DIAPH1: variants seen among roughly 807,000 people sequenced by gnomAD.
DIAPH1 encodes protein diaphanous homolog 1.
DIAPH1 carries 46 observed loss-of-function variants against 140.7 expected under a neutral mutation model. The observed-to-expected ratio is 0.33, with a 90% confidence interval of 0.26 to 0.42. The LOEUF (loss-of-function observed/expected upper bound fraction) is 0.42. DIAPH1 is among the 10% of genes least tolerant of loss of function. The probability of loss-of-function intolerance (pLI) is 1.00; values close to 1 mark genes in which losing one functional copy is unlikely to be tolerated. For missense variants in DIAPH1, 1,310 were observed against 1,558.7 expected, an observed-to-expected ratio of 0.84 and a Z score of 2.69; for synonymous variants, 565 against 551.6, an observed-to-expected ratio of 1.02 and a Z score of -0.34.
chr5:141,519,074 G>A (rs1185649277), intron 27 of DIAPH1: 9 of 1,313,246 alleles, frequency 6.9e-6, no homozygotes, highest in Non-Finnish European at 9.7e-6. Context: ...ATAGGTATGT[G>A]CCCGAGACTG....
intron 18 of DIAPH1, among the ~76,000 whole-genome samples, chr5:141,547,473 A>G (rs1019508352): frequency 1.3e-5 from 2 of 152,122 alleles, no homozygotes; most frequent in African/African-American, 4.8e-5. Flanking sequence ...AAATAAATAA[A>G]TAAAAATAAA....
At chr5:141,556,653 T>A (rs1265919095) in intron 18 of DIAPH1, among the ~76,000 whole-genome samples, 3 of 152,222 alleles carry the variant, frequency 2.0e-5, no homozygotes, top group Non-Finnish European at 2.9e-5. Flanking sequence ...TGGCTTTGTA[T>A]CTTCTCAGTC....
chr5:141,568,097 C>G (rs1383168366), intron 18 of DIAPH1, among the ~76,000 whole-genome samples: 1 of 152,034 alleles, frequency 6.6e-6, no homozygotes, highest in East Asian at 1.9e-4. Flanking sequence ...AGTCACTGTA[C>G]TATTTATTTA....
In DIAPH1 at chr5:141,515,132, CCT is replaced by C. The variant is rs142402193; in HGVS notation, c.*1717_*1718del. The stretch of plus-strand genomic sequence containing the variant: ...ATAGGTTTGCATTTTGTCCCTCACA[CCT>C]CTCTCTCTCTCTCTTTTTTTTTATT... On this transcript the variant is annotated 3_prime_UTR_variant, in exon 28 of 28. Transcript: ENST00000389054. 130 of 152,196 alleles carry C rather than the reference CCT, an allele frequency of 8.5e-4. No individual in the cohort carries two copies. Among genetic ancestry groups the C allele is most frequent in the East Asian group, 5.8e-4 (3 of 5,166 alleles). 9.4% of individuals were successfully genotyped at this position (152,196 alleles called of 1,614,324 possible).
chr5:141,547,598 T>G (rs560790237), intron 18 of DIAPH1, among the ~76,000 whole-genome samples: 1 of 152,152 alleles, frequency 6.6e-6, no homozygotes, highest in South Asian at 2.1e-4. Context: ...TGGAAGACAG[T>G]AACAAAGATC....
chr5:141,531,299 T>TTCTC (rs543349611), intron 19 of DIAPH1, among the ~76,000 whole-genome samples: 1 of 151,166 alleles, frequency 6.6e-6, no homozygotes, highest in Non-Finnish European at 1.5e-5. Context: ...TAATTTTACC[T>TTCTC]TCTCTCTCTC....
intron 18 of DIAPH1, among the ~76,000 whole-genome samples, chr5:141,536,510 G>T (rs548339754): frequency 4.4e-4 from 67 of 152,070 alleles, no homozygotes; most frequent in Non-Finnish European, 8.1e-4. Flanking sequence ...AAATAAACTA[G>T]ACCATTTAAT....
At chr5:141,603,512 A>G (rs1240554783) in intron 1 of DIAPH1, among the ~76,000 whole-genome samples, 1 of 152,212 alleles carries the variant, frequency 6.6e-6, no homozygotes. Flanking sequence ...TCTTTTTCCT[A>G]ACCCCACCCG....
intron 8 of DIAPH1, 32 bp from the exon 9 acceptor site, chr5:141,579,228 T>G (rs376430702): frequency 2.6e-6 from 4 of 1,549,270 alleles, no homozygotes; most frequent in Non-Finnish European, 3.6e-6. Flanking sequence ...GAGAGAACTT[T>G]CCAGGTACTG....
At chr5:141,556,742 A>G (rs1448887615) in intron 18 of DIAPH1, among the ~76,000 whole-genome samples, 1 of 152,106 alleles carries the variant, frequency 6.6e-6, no homozygotes, top group East Asian at 1.9e-4. Flanking sequence ...CCCAGGCTTG[A>G]GTGCAGTGGT....
rs199683670 is a variant in DIAPH1, at chr5:141,582,366, A to G, written c.630T>C (p.Asp210=). Residue 210 remains aspartate (D), a synonymous_variant, in exon 7 of 28, where the codon GAT becomes GAC. Coordinates refer to ENST00000389054, the MANE Select transcript of DIAPH1 (RefSeq NM_005219.5). ...GAATGATCTCATGCTTGTTCCGGCT[A>G]TCGTAACTCCTGTATATAGAAGACA... The part of the protein sequence containing the change: ...DEKEETAGSY[D]SRNKHEIIRC... 6.2e-6 allele frequency: 10 copies of G among 1,612,640 alleles called. No homozygotes were observed. The East Asian group carries it at 1.8e-4, about 29-fold the overall frequency.
chr5:141,583,436 G>GT (rs749816568), intron 5 of DIAPH1, 49 bp downstream of exon 5: 1 of 1,614,036 alleles, frequency 6.2e-7, no homozygotes, highest in Admixed American at 1.7e-5. Context: ...CACCACCAGT[G>GT]AAGTCCAACA....
intron 18 of DIAPH1, among the ~76,000 whole-genome samples, chr5:141,544,467 T>G (rs1015663185): frequency 6.6e-6 from 1 of 152,098 alleles, no homozygotes; most frequent in African/African-American, 2.4e-5. Context: ...TGCAAAACAC[T>G]TATCCGATAA....
chr5:141,591,640 A>C (rs1283064209), intron 1 of DIAPH1, among the ~76,000 whole-genome samples: 1 of 142,978 alleles, frequency 7.0e-6, no homozygotes, highest in Non-Finnish European at 1.5e-5. Context: ...CCTTTTTCCT[A>C]TTCAATATCC....
At chr5:141,557,744 A>G (rs2099892855) in intron 18 of DIAPH1, 1 of 152,196 alleles carries the variant, frequency 6.6e-6, no homozygotes, top group African/African-American at 2.4e-5. Flanking sequence ...CCGGCAGCCA[A>G]ACCATTTTGC....
intron 2 of DIAPH1, 22 bp from the exon 3 acceptor site, chr5:141,587,219 T>C: frequency 6.2e-7 from 1 of 1,612,818 alleles, no homozygotes; most frequent in East Asian, 2.2e-5. Flanking sequence ...AAAAAAGCAT[T>C]AGCAGTGATC....
intron 8 of DIAPH1, among the ~76,000 whole-genome samples, chr5:141,580,253 G>A (rs753479485): frequency 1.3e-5 from 2 of 152,100 alleles, no homozygotes; most frequent in African/African-American, 2.4e-5. Context: ...TATCTTTTGC[G>A]GTGGCAGATG....
intron 5 of DIAPH1, 26 bp downstream of exon 5, chr5:141,583,459 T>A: frequency 6.2e-7 from 1 of 1,614,228 alleles, no homozygotes; most frequent in Non-Finnish European, 8.5e-7. Flanking sequence ...TGGCTCCTAC[T>A]CCTGTTACCT....
At chr5:141,567,245 G>A (rs1162153960) in intron 18 of DIAPH1, among the ~76,000 whole-genome samples, 1 of 152,124 alleles carries the variant, frequency 6.6e-6, no homozygotes, top group African/African-American at 2.4e-5. Flanking sequence ...GGGTGTAGAG[G>A]GGTATATGAG....
Sources: allele counts gnomAD v4.1 joint callset (sites outside exome capture counted in the v4.1 genomes callset), GRCh38; gene constraint gnomAD v4.1.1; transcripts MANE v1.5; gene names NCBI Gene and HGNC (gene_info 2026-07-23, HGNC 2026-07-21).